Variants in SVIL observed in about 807,000 individuals in gnomAD.
The protein encoded by SVIL is archvillin.
In SVIL, 101 loss-of-function variants were observed where a neutral mutation model predicts 240.4. That is an observed-to-expected ratio of 0.42 (90% CI 0.36 to 0.50). SVIL has a LOEUF of 0.50. Among genes scored for constraint, SVIL ranks in the 20% least tolerant of loss-of-function variants. The pLI, the probability that SVIL is intolerant of heterozygous loss-of-function variation, is 0.01. For synonymous variants in SVIL, 999 were observed against 1,100.0 expected, an observed-to-expected ratio of 0.91 and a Z score of 1.82; for missense variants, 2,512 against 2,818.7, an observed-to-expected ratio of 0.89 and a Z score of 2.46.
At chr10:29,686,327 T>C (rs1354067804) in intron 2 of SVIL, among the ~76,000 whole-genome samples, 2 of 152,190 alleles carry the variant, frequency 1.3e-5, no homozygotes, top group Non-Finnish European at 2.9e-5. Context: ...GTCAACTGCT[T>C]TGATGGTAAC....
intron 1 of SVIL, among the ~76,000 whole-genome samples, chr10:29,577,706 G>A (rs951767346): frequency 2.6e-5 from 4 of 152,132 alleles, no homozygotes; most frequent in African/African-American, 9.7e-5. Context: ...ACCCAGTAGT[G>A]GGATTGCTGG....
intron 22 of SVIL, among the ~76,000 whole-genome samples, chr10:29,490,260 A>G (rs1265619270): frequency 6.6e-6 from 1 of 152,186 alleles, no homozygotes; most frequent in Non-Finnish European, 1.5e-5. Flanking sequence ...AAAATCTAGG[A>G]TTAGATACTC....
chr10:29,630,653 T>C (rs894663982), intron 1 of SVIL, among the ~76,000 whole-genome samples: 4 of 152,052 alleles, frequency 2.6e-5, no homozygotes, highest in Non-Finnish European at 4.4e-5. Context: ...AATTTCCCGG[T>C]TGGCAAAAGC....
chr10:29,621,048 C>T (rs530212462), intron 1 of SVIL, among the ~76,000 whole-genome samples: 11 of 151,134 alleles, frequency 7.3e-5, no homozygotes, highest in Non-Finnish European at 1.3e-4. Context: ...AAGCAATTCT[C>T]CCACCTTGGC....
At chr10:29,464,351 A>G (rs1944634178) in intron 34 of SVIL, among the ~76,000 whole-genome samples, 1 of 152,192 alleles carries the variant, frequency 6.6e-6, no homozygotes, top group Non-Finnish European at 1.5e-5. Context: ...AGGAGAGAGG[A>G]TCGCTTGAGC....
At chr10:29,529,949 T>G in intron 11 of SVIL, 105 bp from the exon 12 acceptor site, 1 of 1,229,890 alleles carries the variant, frequency 8.1e-7, no homozygotes, top group Non-Finnish European at 1.1e-6. Flanking sequence ...GGAGGGAAGA[T>G]TGCTGGAGGC....
At chr10:29,594,347 T>A (rs1956499927) in intron 1 of SVIL, among the ~76,000 whole-genome samples, 2 of 152,004 alleles carry the variant, frequency 1.3e-5, no homozygotes, top group Non-Finnish European at 2.9e-5. Context: ...ATAATACATA[T>A]TATCATTATA....
intron 16 of SVIL, among the ~76,000 whole-genome samples, chr10:29,521,052 A>T (rs977682888): frequency 6.6e-6 from 1 of 151,436 alleles, no homozygotes; most frequent in Non-Finnish European, 1.5e-5. Context: ...TGAAGCCCCA[A>T]CTCTACTAAA....
intron 1 of SVIL, among the ~76,000 whole-genome samples, chr10:29,727,873 G>A (rs1964387581): frequency 6.6e-6 from 1 of 152,140 alleles, no homozygotes; most frequent in Non-Finnish European, 1.5e-5. Context: ...AGGACCAACG[G>A]TAGCCTGCAG....
chr10:29,673,017 A>T (rs1959907085), intron 2 of SVIL, among the ~76,000 whole-genome samples: 3 of 151,954 alleles, frequency 2.0e-5, no homozygotes, highest in African/African-American at 7.3e-5. Context: ...AGGTTAAAGC[A>T]ATTCTCCTGC....
At chr10:29,665,667 G>C (rs1162982399) in intron 2 of SVIL, among the ~76,000 whole-genome samples, 1 of 152,026 alleles carries the variant, frequency 6.6e-6, no homozygotes, top group African/African-American at 2.4e-5. Flanking sequence ...GGTGGCGGAC[G>C]CCTGTAGTCC....
At chr10:29,510,326 C>T (rs74130784) in intron 17 of SVIL, among the ~76,000 whole-genome samples, 17,890 of 152,094 alleles carry the variant, frequency 0.12, 1,313 homozygotes, top group African/African-American at 0.2. Context: ...CTTTATCGTA[C>T]TTTTTTAATG....
intron 17 of SVIL, among the ~76,000 whole-genome samples, chr10:29,509,209 CAT>C (rs1949599600): frequency 6.6e-6 from 1 of 151,794 alleles, no homozygotes; most frequent in Non-Finnish European, 1.5e-5. Context: ...GAGACTCACA[CAT>C]GTTTAAGTCA....
At chr10:29,531,923 G>A (rs1040427231) in intron 9 of SVIL, 79 bp downstream of exon 9, 7 of 1,490,260 alleles carry the variant, frequency 4.7e-6, no homozygotes, top group Admixed American at 3.6e-5. Flanking sequence ...TATAAATAGC[G>A]TCAAGACCGT....
intron 1 of SVIL, among the ~76,000 whole-genome samples, chr10:29,614,017 T>C (rs751849163): frequency 7.2e-5 from 11 of 152,190 alleles, no homozygotes; most frequent in Non-Finnish European, 1.2e-4. Flanking sequence ...TCTTAGGCAC[T>C]GAGCTCAGCC....
At chr10:29,551,339 C>A (rs1953312676) in intron 5 of SVIL, 76 bp from the exon 6 acceptor site, 1 of 1,385,184 alleles carries the variant, frequency 7.2e-7, no homozygotes, top group Non-Finnish European at 9.6e-7. Flanking sequence ...TGACACTCTA[C>A]TGCACACAGC....
At position 29,533,288 on chromosome 10, in the gene SVIL, G is replaced by A; in HGVS notation, c.1079C>T (p.Thr360Ile). The change falls in exon 8 of 38, where the codon ACA (threonine) becomes ATA (isoleucine). Residue 360 changes from threonine (T) to isoleucine (I), a missense_variant. Physicochemically the swap from Thr to Ile is moderately conservative, Grantham distance 89 (BLOSUM62 -1). Transcript: ENST00000355867. ...DRVPSKAAGSTRQPIRGYVQP... is the reference protein window; with the variant it reads ...DRVPSKAAGSIRQPIRGYVQP... ...GACATAGCCACGGATTGGCTGTCGTGTAGAGCCTGCTGCCTTGCTGGGGAC... is the reference window on the plus strand; with the variant it reads ...GACATAGCCACGGATTGGCTGTCGTATAGAGCCTGCTGCCTTGCTGGGGAC... 1.2e-6 allele frequency: 2 copies of A among 1,614,146 alleles called. No homozygotes were observed. Among genetic ancestry groups the A allele is most frequent in the Non-Finnish European group, 8.5e-7 (1 of 1,180,026 alleles).
At chr10:29,498,829 T>A (rs1948656647) in intron 18 of SVIL, among the ~76,000 whole-genome samples, 1 of 152,052 alleles carries the variant, frequency 6.6e-6, no homozygotes, top group African/African-American at 2.4e-5. Flanking sequence ...TAAAAATTTT[T>A]AAAAAGCCAA....
intron 12 of SVIL, among the ~76,000 whole-genome samples, chr10:29,528,796 G>A (rs1348435200): frequency 2.0e-5 from 3 of 152,156 alleles, no homozygotes; most frequent in Non-Finnish European, 4.4e-5. Context: ...TTGAAGCAAT[G>A]ATCTCTGAAT....
Sources: allele counts gnomAD v4.1 joint callset (sites outside exome capture counted in the v4.1 genomes callset), GRCh38; gene constraint gnomAD v4.1.1; transcripts MANE v1.5; gene names NCBI Gene and HGNC (gene_info 2026-07-23, HGNC 2026-07-21).